Variants in EVI5 observed in about 807,000 individuals in gnomAD.
The protein encoded by EVI5 is ecotropic viral integration site 5 protein homolog.
Under a neutral mutation model 112.0 loss-of-function variants are expected in EVI5, and 73 were observed. That is an observed-to-expected ratio of 0.65 (90% CI 0.54 to 0.79). The LOEUF (loss-of-function observed/expected upper bound fraction) is 0.79. Ranked by LOEUF, EVI5 falls within the 30% of genes least tolerant of loss-of-function variation. The pLI is 0.00. For missense variants in EVI5, 900 were observed against 968.8 expected, an observed-to-expected ratio of 0.93 and a Z score of 0.94; for synonymous variants, 305 against 319.9, an observed-to-expected ratio of 0.95 and a Z score of 0.50.
intron 19 of EVI5, among the ~76,000 whole-genome samples, chr1:92,550,782 ATATAT>A (rs1165839237): frequency 2.6e-4 from 3 of 11,466 alleles, no homozygotes; most frequent in African/African-American, 8.4e-4. Flanking sequence ...AAAAAAAAAA[ATATAT>A]ATATATATAT....
intron 13 of EVI5, among the ~76,000 whole-genome samples, chr1:92,643,099 G>A (rs10874729): frequency 0.92 from 140,210 of 152,162 alleles, 64,685 homozygotes; most frequent in East Asian, 0.97. Flanking sequence ...CACATTAGCA[G>A]GAGTCAGATG....
chr1:92,677,294 T>C (rs1409506045), intron 9 of EVI5, 76 bp from the exon 10 acceptor site: 5 of 735,260 alleles, frequency 6.8e-6, no homozygotes, highest in Non-Finnish European at 1.1e-5. Context: ...AATTTAAAAA[T>C]ACATATGAAC....
chr1:92,729,374 A>G (rs887529797), intron 2 of EVI5, among the ~76,000 whole-genome samples: 1 of 152,228 alleles, frequency 6.6e-6, no homozygotes, highest in Non-Finnish European at 1.5e-5. Context: ...TATCCCGCAC[A>G]CATAAGGGGG....
At chr1:92,657,871 G>A (rs1235326574) in intron 13 of EVI5, among the ~76,000 whole-genome samples, 1 of 152,122 alleles carries the variant, frequency 6.6e-6, no homozygotes, top group East Asian at 1.9e-4. Flanking sequence ...CAGTGAGAGT[G>A]GGAGCAAGAG....
intron 1 of EVI5, among the ~76,000 whole-genome samples, chr1:92,768,463 A>C (rs1682961935): frequency 6.6e-6 from 1 of 152,202 alleles, no homozygotes; most frequent in African/African-American, 2.4e-5. Context: ...ATTCTGTCTA[A>C]AGTCAGAAGA....
chr1:92,583,469 C>G (rs1306490956), intron 18 of EVI5, among the ~76,000 whole-genome samples: 1 of 144,168 alleles, frequency 6.9e-6, no homozygotes, highest in Non-Finnish European at 1.5e-5. Context: ...CGAGATCACG[C>G]TACTGTGCTC....
At chr1:92,738,871 C>T (rs541011960) in intron 1 of EVI5, among the ~76,000 whole-genome samples, 7 of 152,208 alleles carry the variant, frequency 4.6e-5, no homozygotes, top group African/African-American at 1.7e-4. Context: ...TTTCCTCAAC[C>T]TAGGGTAAAT....
chr1:92,583,922 A>G (rs373280196), intron 18 of EVI5, among the ~76,000 whole-genome samples: 19 of 152,206 alleles, frequency 1.2e-4, no homozygotes, highest in African/African-American at 4.6e-4. Flanking sequence ...TAAAGGAAGT[A>G]ACAGAAACAA....
chr1:92,657,632 C>T (rs1663234396), intron 13 of EVI5, among the ~76,000 whole-genome samples: 1 of 151,958 alleles, frequency 6.6e-6, no homozygotes, highest in Non-Finnish European at 1.5e-5. Flanking sequence ...CACTGTACTC[C>T]AGCCTAGGTG....
chr1:92,554,019 T>A (rs1045164481), intron 19 of EVI5, among the ~76,000 whole-genome samples: 1 of 152,216 alleles, frequency 6.6e-6, no homozygotes, highest in African/African-American at 2.4e-5. Context: ...ACATCAAACA[T>A]GGCTAGGAAA....
chr1:92,747,789 C>G (rs1038300281), intron 1 of EVI5, among the ~76,000 whole-genome samples: 4 of 146,202 alleles, frequency 2.7e-5, no homozygotes, highest in African/African-American at 7.6e-5. Flanking sequence ...AAGTCCAAAA[C>G]CAAGTTGTCA....
intron 2 of EVI5, among the ~76,000 whole-genome samples, chr1:92,730,276 T>C (rs1449073093): frequency 6.6e-6 from 1 of 152,016 alleles, no homozygotes; most frequent in Non-Finnish European, 1.5e-5. Flanking sequence ...GAGAATCACT[T>C]GAGCCCAGGA....
intron 7 of EVI5, among the ~76,000 whole-genome samples, chr1:92,694,754 G>C (rs2102474174): frequency 6.6e-6 from 1 of 152,290 alleles, no homozygotes; most frequent in Middle Eastern, 3.4e-3. Context: ...AATTTAGATA[G>C]GTAATACAAA....
chr1:92,775,481 G>A (rs1683992224), intron 1 of EVI5, among the ~76,000 whole-genome samples: 1 of 151,650 alleles, frequency 6.6e-6, no homozygotes, highest in South Asian at 2.1e-4. Flanking sequence ...TACTTTTGGT[G>A]TATCTTTGCT....
intron 14 of EVI5, among the ~76,000 whole-genome samples, chr1:92,630,984 T>C (rs867872907): frequency 2.0e-5 from 3 of 152,216 alleles, no homozygotes; most frequent in Non-Finnish European, 2.9e-5. Context: ...GTTGTAGATA[T>C]GTGGGATTAT....
chr1:92,556,746 C>T (rs189621289), intron 19 of EVI5, among the ~76,000 whole-genome samples: 325 of 152,168 alleles, frequency 2.1e-3, no homozygotes, highest in African/African-American at 7.4e-3. Flanking sequence ...ATCCATAGCT[C>T]AGGTTTATAT....
At chr1:92,706,722 T>C (rs78716757) in intron 2 of EVI5, among the ~76,000 whole-genome samples, 4 of 152,176 alleles carry the variant, frequency 2.6e-5, no homozygotes, top group South Asian at 2.1e-4. Flanking sequence ...TCCGAGAACA[T>C]TGAAATAGCA....
At chr1:92,736,698 G>C in intron 1 of EVI5, 71 bp from the exon 2 acceptor site, 2 of 1,015,834 alleles carry the variant, frequency 2.0e-6, no homozygotes, top group Admixed American at 3.5e-5. Flanking sequence ...TAATAATTCT[G>C]TTAGGATTTA....
chr1:92,718,115 T>C (rs998795189), intron 2 of EVI5, among the ~76,000 whole-genome samples: 1 of 152,102 alleles, frequency 6.6e-6, no homozygotes, highest in Non-Finnish European at 1.5e-5. Flanking sequence ...CACCCCACTG[T>C]CAATATTAGA....
Sources: allele counts gnomAD v4.1 joint callset (sites outside exome capture counted in the v4.1 genomes callset), GRCh38; gene constraint gnomAD v4.1.1; transcripts MANE v1.5; gene names NCBI Gene and HGNC (gene_info 2026-07-23, HGNC 2026-07-21).